LRRC9: variants seen among roughly 807,000 people sequenced by gnomAD.
LRRC9 encodes the protein leucine rich repeat containing 9, also known as leucine-rich repeat-containing protein 9.
Under a neutral mutation model 63.2 loss-of-function variants are expected in LRRC9, and 122 were observed. The observed-to-expected ratio is 1.93, with a 90% CI of 1.67 to 2.24. The LOEUF (loss-of-function observed/expected upper bound fraction) is 2.24, where lower values mean the gene tolerates loss of function less well. Among genes scored for constraint, LRRC9 ranks in the 30% most tolerant of loss-of-function variants. LRRC9 has a pLI of 0.00. For synonymous variants in LRRC9, 366 were observed against 213.1 expected (o/e 1.72, Z -6.25); for missense variants, 1,071 against 627.7 (o/e 1.71, Z -7.55).
chr14:59,970,833 G>A (rs1379740700), intron 12 of LRRC9, among the ~76,000 whole-genome samples: 4 of 151,826 alleles, frequency 2.6e-5, no homozygotes, highest in African/African-American at 9.7e-5. Context: ...TTAGACCTTT[G>A]TTGGATGCAC....
intron 8 of LRRC9, among the ~76,000 whole-genome samples, chr14:59,946,884 A>AT (rs1299875561): frequency 7.9e-6 from 1 of 126,512 alleles, no homozygotes; most frequent in East Asian, 2.3e-4. Flanking sequence ...TATGTGCCAC[A>AT]TTTTCTTAAT....
chr14:60,022,611 ATATAT>A (rs1236809292), intron 26 of LRRC9, 118 bp from the exon 27 acceptor site: 6 of 400,738 alleles, frequency 1.5e-5, no homozygotes, highest in African/African-American at 1.2e-4. Flanking sequence ...CTTAATTCTG[ATATAT>A]TAATAAATTT....
At chr14:59,940,725 A>C (rs549759353) in intron 7 of LRRC9, among the ~76,000 whole-genome samples, 186 of 152,178 alleles carry the variant, frequency 1.2e-3, no homozygotes, top group Non-Finnish European at 2.1e-3. Flanking sequence ...TAGTATAAAA[A>C]TAAGTGCTAT....
rs1887441488 is a variant in LRRC9, at chr14:59,986,091, T to C, written c.2211+867T>C. 6.6e-6 allele frequency among the ~76,000 whole-genome samples: 1 copy of C among 152,178 alleles called. No individual in the cohort carries two copies. The highest frequency in any genetic ancestry group is 2.4e-5 in the African/African-American group (1 of 41,458). On this transcript the variant is annotated intron_variant, in intron 17 of 31. Coordinates refer to ENST00000445360, the Ensembl canonical transcript of LRRC9. The surrounding 1 kb of genome is among the most constrained non-coding windows in gnomAD (Gnocchi z 4.7). ...TTATTTCTTTCTTTCTGTCTTGTCCTTTGACCTGAATATCACATGCATAGA... is the reference window on the plus strand; with the variant it reads ...TTATTTCTTTCTTTCTGTCTTGTCCCTTGACCTGAATATCACATGCATAGA...
rs934414458 is a variant in LRRC9, at chr14:59,966,127, C to G, written c.1212-462C>G. Among the ~76,000 whole-genome samples the G allele has an allele frequency of 3.3e-5, 5 of 151,848 alleles. No homozygotes were observed. Among genetic ancestry groups the G allele is most frequent in the African/African-American group, 1.2e-4 (5 of 41,294 alleles). ...TTGGATATTCAAGTCTGGGTATAAC[C>G]AGCTAAGTTGAGTAGAGATCAAGAC... On this transcript the variant is annotated intron_variant, in intron 10 of 31. Coordinates refer to ENST00000445360, the Ensembl canonical transcript of LRRC9. This position sits in a 1 kb window ranked among gnomAD's most constrained non-coding sequence, Gnocchi z 4.0.
intron 29 of LRRC9, among the ~76,000 whole-genome samples, chr14:60,035,654 G>A (rs1892368385): frequency 6.6e-6 from 1 of 152,112 alleles, no homozygotes; most frequent in Admixed American, 6.6e-5. Context: ...GACTGTAAAT[G>A]CATGGATTTA....
intron 8 of LRRC9, among the ~76,000 whole-genome samples, chr14:59,947,264 T>C (rs929215766): frequency 6.9e-6 from 1 of 145,188 alleles, no homozygotes; most frequent in Non-Finnish European, 1.5e-5. Context: ...CCAGTGATGA[T>C]GAGCATTTTT....
At chr14:60,014,223 G>A (rs555567222) in intron 23 of LRRC9, among the ~76,000 whole-genome samples, 1 of 151,738 alleles carries the variant, frequency 6.6e-6, no homozygotes, top group Non-Finnish European at 1.5e-5. Context: ...GTTAATATTT[G>A]ACTTAAATAT....
intron 27 of LRRC9, 30 bp downstream of exon 27, chr14:60,022,900 C>T: frequency 1.9e-6 from 1 of 518,194 alleles, no homozygotes; most frequent in Non-Finnish European, 3.5e-6. Flanking sequence ...CTGTATAAGT[C>T]TTTATTTTTA....
At chr14:59,949,146 T>A (rs1201459806) in intron 8 of LRRC9, among the ~76,000 whole-genome samples, 2 of 140,458 alleles carry the variant, frequency 1.4e-5, no homozygotes, top group African/African-American at 5.3e-5. Flanking sequence ...TCCTGGACTC[T>A]TTTTGGTTGG....
chr14:59,988,045 A>G (rs1887669611), intron 17 of LRRC9, among the ~76,000 whole-genome samples: 1 of 152,218 alleles, frequency 6.6e-6, no homozygotes. Flanking sequence ...TCATGGTTGA[A>G]GCTCAGATTG....
chr14:59,977,193 C>T (rs1886385497), intron 13 of LRRC9, 32 bp from the exon 14 acceptor site: 1 of 654,642 alleles, frequency 1.5e-6, no homozygotes, highest in African/African-American at 1.8e-5. Context: ...GTTAATTATT[C>T]TTAAGAATTA....
At position 59,964,624 on chromosome 14, in the gene LRRC9, A is replaced by G. The variant is rs1884652046; in HGVS notation, c.1212-1965A>G. Among the ~76,000 whole-genome samples the G allele has an allele frequency of 1.3e-5, 2 of 152,182 alleles. No individual in the cohort carries two copies. Among genetic ancestry groups the G allele is most frequent in the Admixed American group, 1.3e-4 (2 of 15,284 alleles). On this transcript the variant is annotated intron_variant, in intron 10 of 31. Coordinates refer to ENST00000445360, the Ensembl canonical transcript of LRRC9. This position sits in a 1 kb window ranked among gnomAD's most constrained non-coding sequence, Gnocchi z 4.4. ...CTTTATCTAAAACGCCTACAGCCCT[A>G]GTTTCTATCAGAGTGCAGAAAGCTT...
rs76799865 is a variant in LRRC9, at chr14:59,960,328, C to T, written c.1079+314C>T. 1.1e-4 allele frequency among the ~76,000 whole-genome samples: 17 copies of T among 152,046 alleles called. No individual in the cohort carries two copies. In the South Asian group the frequency reaches 1.2e-3, roughly 11 times the overall value. On this transcript the variant is annotated intron_variant, in intron 9 of 31. Coordinates refer to ENST00000445360, the Ensembl canonical transcript of LRRC9. ...AGCCTCTGCTGGTGGATAAACTCAC[C>T]AAATAGATGAGACCTGGCAAAGCCC...
chr14:59,953,428 CAT>C (rs1306698081), intron 8 of LRRC9, among the ~76,000 whole-genome samples: 6 of 152,154 alleles, frequency 3.9e-5, no homozygotes, highest in Admixed American at 3.3e-4. Context: ...AGCTTTTTTT[CAT>C]ATGTTTGTTG....
At position 59,966,202 on chromosome 14, in the gene LRRC9, C is replaced by G. The variant is rs1255157369; in HGVS notation, c.1212-387C>G. 2.0e-5 allele frequency among the ~76,000 whole-genome samples: 3 copies of G among 152,072 alleles called. No homozygotes were observed. The highest frequency in any genetic ancestry group is 2.1e-4 in the South Asian group (1 of 4,822). On this transcript the variant is annotated intron_variant, in intron 10 of 31. Transcript: ENST00000445360. The surrounding 1 kb of genome is among the most constrained non-coding windows in gnomAD (Gnocchi z 4.0). ...CAGGATGTATATAAAGCCAAGGAAC[C>G]ACGTGAAATCATCTAGGGAGAGTGT...
chr14:60,025,149 G>A (rs950969745), intron 27 of LRRC9, among the ~76,000 whole-genome samples: 3 of 150,658 alleles, frequency 2.0e-5, no homozygotes, highest in African/African-American at 7.3e-5. Flanking sequence ...GGAGTGCATT[G>A]GCACAATCAT....
Position 59,964,160 on chromosome 14 carries a change from G to A in LRRC9, c.1212-2429G>A, listed in dbSNP as rs774907556. On this transcript the variant is annotated intron_variant, in intron 10 of 31. Coordinates refer to ENST00000445360, the Ensembl canonical transcript of LRRC9. The surrounding 1 kb of genome is among the most constrained non-coding windows in gnomAD (Gnocchi z 4.4). ...GAGAATATTGAATCCTCTACTGTAG[G>A]TGAAGAGTCTGAATGTAATTTGGAA... Among the ~76,000 whole-genome samples the A allele has an allele frequency of 6.6e-6, 1 of 152,184 alleles. No individual in the cohort carries two copies. The highest frequency in any genetic ancestry group is 1.5e-5 in the Non-Finnish European group (1 of 68,022).
chr14:59,978,233 G>C, intron 15 of LRRC9, 101 bp downstream of exon 15: 3 of 599,562 alleles, frequency 5.0e-6, no homozygotes, highest in South Asian at 2.0e-5. Context: ...TTTATATTAT[G>C]TGCATGTGTG....
Sources: allele counts gnomAD v4.1 joint callset (sites outside exome capture counted in the v4.1 genomes callset), GRCh38; gene constraint gnomAD v4.1.1; non-coding constraint Gnocchi (gnomAD v3.1); transcripts MANE v1.5; gene names NCBI Gene and HGNC (gene_info 2026-07-23, HGNC 2026-07-21).